The following FARP1 variants were observed in gnomAD, a reference collection of about 807,000 sequenced individuals.
The protein encoded by FARP1 is FERM, ARHGEF and pleckstrin domain-containing protein 1.
FARP1 carries 52 observed loss-of-function variants against 128.8 expected under a neutral mutation model. That is an observed-to-expected ratio of 0.40 (90% confidence interval 0.32 to 0.51). The LOEUF (loss-of-function observed/expected upper bound fraction) is 0.51. Ranked by LOEUF, FARP1 falls within the 20% of genes least tolerant of loss-of-function variation. The pLI is 0.45. For missense variants in FARP1, 1,333 were observed against 1,367.9 expected, an observed-to-expected ratio of 0.97 and a Z score of 0.40; for synonymous variants, 580 against 551.8, an observed-to-expected ratio of 1.05 and a Z score of -0.72.
chr13:98,329,995 G>C (rs1405593448), intron 2 of FARP1: 1 of 152,260 alleles, frequency 6.6e-6, no homozygotes, highest in Admixed American at 6.5e-5. Context: ...TGGAGGTGTG[G>C]GGCAAATTGT....
chr13:98,315,363 C>G (rs912689951), intron 2 of FARP1, among the ~76,000 whole-genome samples: 7 of 152,096 alleles, frequency 4.6e-5, no homozygotes, highest in Admixed American at 2.0e-4. Flanking sequence ...CCTCTGCCTC[C>G]CAAAGTGCTG....
At chr13:98,284,346 T>C (rs1248011962) in intron 2 of FARP1, among the ~76,000 whole-genome samples, 1 of 152,158 alleles carries the variant, frequency 6.6e-6, no homozygotes, top group African/African-American at 2.4e-5. Flanking sequence ...TAAATGTCTT[T>C]AAATGACCAA....
chr13:98,195,728 C>T (rs1454862324), intron 1 of FARP1, among the ~76,000 whole-genome samples: 1 of 152,080 alleles, frequency 6.6e-6, no homozygotes, highest in Non-Finnish European at 1.5e-5. Context: ...ATAATTTAGA[C>T]CCATAAAACG....
intron 2 of FARP1, among the ~76,000 whole-genome samples, chr13:98,316,419 G>T (rs578202328): frequency 1.3e-5 from 2 of 152,320 alleles, no homozygotes. Flanking sequence ...TGGAAACAAA[G>T]GCATAGAGAG....
rs149889056 is a variant in FARP1, at chr13:98,358,591, C to T, written c.277-6804C>T. Among the ~76,000 whole-genome samples the T allele has an allele frequency of 6.4e-3, 971 of 152,148 alleles. 8 individuals are homozygous for T. The highest frequency in any genetic ancestry group is 9.0e-3 in the Non-Finnish European group (614 of 68,016). ...TAAAGTCAAATAATTTTTAAAATTACTTTGAAACAAATTATTACAAAGAAT... is the reference window on the plus strand; with the variant it reads ...TAAAGTCAAATAATTTTTAAAATTATTTTGAAACAAATTATTACAAAGAAT... On this transcript the variant is annotated intron_variant, in intron 3 of 26. Coordinates refer to ENST00000319562, the MANE Select transcript of FARP1 (RefSeq NM_005766.4).
At chr13:98,151,725 G>T (rs1876020987) in intron 1 of FARP1, among the ~76,000 whole-genome samples, 1 of 140,506 alleles carries the variant, frequency 7.1e-6, no homozygotes, top group African/African-American at 2.6e-5. Context: ...GCAGTGGCAT[G>T]ATCTTGGTTC....
intron 2 of FARP1, among the ~76,000 whole-genome samples, chr13:98,236,843 T>A (rs548940329): frequency 2.0e-5 from 3 of 151,376 alleles, no homozygotes; most frequent in Non-Finnish European, 2.9e-5. Context: ...CAAAAATAAA[T>A]TCGCCAGGCG....
intron 3 of FARP1, 106 bp from the exon 4 acceptor site, chr13:98,365,289 A>G (rs1292911633): frequency 6.1e-6 from 5 of 824,900 alleles, no homozygotes; most frequent in Middle Eastern, 3.6e-4. Flanking sequence ...GCGGCCTCAT[A>G]TCCTCAAAAA....
At chr13:98,408,200 A>G (rs1278831477) in intron 13 of FARP1, among the ~76,000 whole-genome samples, 1 of 152,062 alleles carries the variant, frequency 6.6e-6, no homozygotes, top group Non-Finnish European at 1.5e-5. Flanking sequence ...GGTTAGAAGT[A>G]TATTCTGAAA....
intron 2 of FARP1, among the ~76,000 whole-genome samples, chr13:98,294,033 G>A (rs951960088): frequency 6.6e-6 from 1 of 152,160 alleles, no homozygotes; most frequent in African/African-American, 2.4e-5. Context: ...GTCCATCTAT[G>A]AATGGTCTGT....
chr13:98,407,806 G>C (rs972041590), intron 13 of FARP1, among the ~76,000 whole-genome samples: 1 of 152,136 alleles, frequency 6.6e-6, no homozygotes, highest in African/African-American at 2.4e-5. Flanking sequence ...CACCAAGGGT[G>C]GGGGCTGGTG....
At chr13:98,435,762 A>G (rs2139084636) in intron 19 of FARP1, 56 bp downstream of exon 19, 2 of 1,580,710 alleles carry the variant, frequency 1.3e-6, no homozygotes, top group South Asian at 2.2e-5. Flanking sequence ...GAGGCATCGG[A>G]GGGACTTACA....
intron 9 of FARP1, 41 bp from the exon 10 acceptor site, chr13:98,389,909 GTATCTAT>G (rs1436900756): frequency 6.3e-7 from 1 of 1,575,614 alleles, no homozygotes. Context: ...TTTCAGTGGT[GTATCTAT>G]GGGTAATGGA....
intron 2 of FARP1, among the ~76,000 whole-genome samples, chr13:98,218,680 T>C (rs1035796800): frequency 6.6e-6 from 1 of 152,188 alleles, no homozygotes; most frequent in Non-Finnish European, 1.5e-5. Context: ...CCCATGCCAG[T>C]TGCGGGCCGC....
intron 2 of FARP1, among the ~76,000 whole-genome samples, chr13:98,279,355 T>A (rs1255363820): frequency 6.6e-6 from 1 of 152,176 alleles, no homozygotes; most frequent in East Asian, 1.9e-4. Flanking sequence ...TAATAATGAT[T>A]GTGAAGTGAA....
At chr13:98,199,879 C>G (rs1418532106) in intron 1 of FARP1, among the ~76,000 whole-genome samples, 1 of 152,160 alleles carries the variant, frequency 6.6e-6, no homozygotes, top group Admixed American at 6.6e-5. Context: ...TTTGTACTCT[C>G]AGAATCATTG....
chr13:98,149,003 C>T lies in FARP1; in HGVS notation c.-24+5511C>T, dbSNP rs139619105. On this transcript the variant is annotated intron_variant, in intron 1 of 26. Transcript: ENST00000319562. Reference sequence around the variant, plus strand: ...CTGGGCTCAAGTGATCCTCTCACGTCGGCCTCCCAAGTAGCTGGAACTACA... The same window carrying T: ...CTGGGCTCAAGTGATCCTCTCACGTTGGCCTCCCAAGTAGCTGGAACTACA... 1.9e-3 allele frequency among the ~76,000 whole-genome samples: 296 copies of T among 152,124 alleles called. 1 individual carries two copies. The highest frequency in any genetic ancestry group is 6.5e-3 in the African/African-American group (271 of 41,504).
At chr13:98,316,803 A>T (rs1219840903) in intron 2 of FARP1, among the ~76,000 whole-genome samples, 1 of 152,166 alleles carries the variant, frequency 6.6e-6, no homozygotes, top group African/African-American at 2.4e-5. Flanking sequence ...ACCAGAGATA[A>T]CACCAGGCCT....
intron 2 of FARP1, among the ~76,000 whole-genome samples, chr13:98,296,520 C>CA (rs397733130): frequency 1.3e-5 from 2 of 150,092 alleles, no homozygotes; most frequent in Admixed American, 6.7e-5. Context: ...AGGGACCCCC[C>CA]GCTCTTCATG....
Sources: gnomAD v4.1 joint callset for allele counts (sites outside exome capture counted in the v4.1 genomes callset) on GRCh38, gnomAD v4.1.1 for gene constraint, MANE v1.5 for transcripts, NCBI Gene and HGNC (gene_info 2026-07-23, HGNC 2026-07-21) for gene names.